The following NELL1 variants were observed in gnomAD, a reference collection of about 807,000 sequenced individuals.
NELL1 encodes protein kinase C-binding protein NELL1.
Under a neutral mutation model 107.4 loss-of-function variants are expected in NELL1, and 76 were observed. The observed-to-expected ratio is 0.71, with a 90% CI of 0.59 to 0.86. The LOEUF (loss-of-function observed/expected upper bound fraction) is 0.86, where lower values mean the gene tolerates loss of function less well. Among genes scored for constraint, NELL1 ranks in the 40% least tolerant of loss-of-function variants. NELL1 has a pLI of 0.00. For missense variants in NELL1, 1,024 were observed against 1,005.5 expected (o/e 1.02, Z -0.25); for synonymous variants, 353 against 341.2 (o/e 1.03, Z -0.38).
At chr11:21,102,442 A>G (rs764018629) in intron 12 of NELL1, among the ~76,000 whole-genome samples, 2 of 152,122 alleles carry the variant, frequency 1.3e-5, no homozygotes, top group Non-Finnish European at 2.9e-5. Context: ...GTCTGCCTGG[A>G]TTTTTGTTTG....
chr11:20,846,075 AT>A (rs1292728512), intron 3 of NELL1, among the ~76,000 whole-genome samples: 5 of 152,210 alleles, frequency 3.3e-5, no homozygotes, highest in Non-Finnish European at 7.3e-5. Flanking sequence ...GTGCAGTCTT[AT>A]AAAGTATGTA....
At chr11:20,973,161 T>G (rs1851535460) in intron 12 of NELL1, among the ~76,000 whole-genome samples, 1 of 142,384 alleles carries the variant, frequency 7.0e-6, no homozygotes, top group African/African-American at 2.7e-5. Flanking sequence ...CAGGCTGGAG[T>G]GCAATGGCAC....
At chr11:20,909,491 C>T (rs1032529635) in intron 5 of NELL1, among the ~76,000 whole-genome samples, 1 of 152,046 alleles carries the variant, frequency 6.6e-6, no homozygotes, top group Non-Finnish European at 1.5e-5. Context: ...ACTCCAGGGC[C>T]GGGAAGAAGA....
chr11:21,116,952 T>TTATTTCAATATATAACCCTATA (rs1855251284), intron 13 of NELL1, among the ~76,000 whole-genome samples: 2 of 152,070 alleles, frequency 1.3e-5, no homozygotes, highest in Non-Finnish European at 2.9e-5. Flanking sequence ...TCCCTGTTTC[T>TTATTTCAATATATAACCCTATA]TATTTCAATA....
Position 20,711,436 on chromosome 11 carries a change from C to T in NELL1, c.184+33376C>T, listed in dbSNP as rs542262342. On this transcript the variant is annotated intron_variant, in intron 2 of 19. Coordinates refer to ENST00000357134, the MANE Select transcript of NELL1 (RefSeq NM_006157.5). ...ATTCATCATGTTGTTGCCTAAGTAC[C>T]TTGTATTTTTTTCTCATTGTGTTAT... Among the ~76,000 whole-genome samples the T allele has an allele frequency of 4.6e-5, 7 of 151,944 alleles. No individual in the cohort carries two copies. In the East Asian group the frequency reaches 7.7e-4, roughly 17 times the overall value.
intron 14 of NELL1, among the ~76,000 whole-genome samples, chr11:21,231,210 T>G (rs551951590): frequency 6.6e-6 from 1 of 152,234 alleles, no homozygotes; most frequent in Admixed American, 6.5e-5. Context: ...ATCAAATATC[T>G]AAGTTAATAT....
chr11:20,954,216 G>T (rs1347839309), intron 11 of NELL1, among the ~76,000 whole-genome samples: 1 of 152,156 alleles, frequency 6.6e-6, no homozygotes, highest in Admixed American at 6.5e-5. Context: ...AAAACACTTA[G>T]CCAAGTGCCT....
chr11:20,930,962 A>C (rs1850605786), intron 9 of NELL1, among the ~76,000 whole-genome samples: 1 of 152,226 alleles, frequency 6.6e-6, no homozygotes, highest in African/African-American at 2.4e-5. Flanking sequence ...AAACTTAAAA[A>C]GAAATGATAC....
At chr11:21,392,681 A>G (rs1048860109) in intron 15 of NELL1, among the ~76,000 whole-genome samples, 1 of 151,790 alleles carries the variant, frequency 6.6e-6, no homozygotes, top group African/African-American at 2.4e-5. Flanking sequence ...CTTATATACA[A>G]TAATAATATA....
intron 12 of NELL1, among the ~76,000 whole-genome samples, chr11:21,080,729 A>G (rs964007377): frequency 6.6e-6 from 1 of 152,122 alleles, no homozygotes; most frequent in African/African-American, 2.4e-5. Flanking sequence ...TGTCAAAGGT[A>G]TGTACATTTT....
At chr11:21,488,438 G>A (rs1167322767) in intron 15 of NELL1, among the ~76,000 whole-genome samples, 1 of 152,036 alleles carries the variant, frequency 6.6e-6, no homozygotes, top group African/African-American at 2.4e-5. Flanking sequence ...TTCAGTCTTT[G>A]TATGATTTCC....
intron 12 of NELL1, among the ~76,000 whole-genome samples, chr11:21,047,747 G>C (rs1165720513): frequency 6.6e-6 from 1 of 152,136 alleles, no homozygotes; most frequent in Non-Finnish European, 1.5e-5. Context: ...CAGAGGGCTA[G>C]TTTAGGTTCA....
At chr11:20,839,924 AT>A (rs1335249056) in intron 3 of NELL1, among the ~76,000 whole-genome samples, 7 of 152,228 alleles carry the variant, frequency 4.6e-5, no homozygotes, top group African/African-American at 1.7e-4. Flanking sequence ...AAGATATCTG[AT>A]TTGTGAAAGA....
intron 3 of NELL1, among the ~76,000 whole-genome samples, chr11:20,826,932 T>C (rs1477434992): frequency 6.6e-6 from 1 of 151,228 alleles, no homozygotes; most frequent in Non-Finnish European, 1.5e-5. Flanking sequence ...GTGTTAATTG[T>C]TTTCGATATG....
At chr11:21,324,469 T>C (rs1850083742) in intron 14 of NELL1, among the ~76,000 whole-genome samples, 1 of 152,132 alleles carries the variant, frequency 6.6e-6, no homozygotes, top group Non-Finnish European at 1.5e-5. Flanking sequence ...TCTTCTAATA[T>C]TTGTTCTACA....
At chr11:21,139,449 C>G (rs1357386439) in intron 13 of NELL1, among the ~76,000 whole-genome samples, 2 of 152,172 alleles carry the variant, frequency 1.3e-5, no homozygotes, top group Non-Finnish European at 2.9e-5. Context: ...AATGTTCAGT[C>G]CCTACTGTCA....
At chr11:20,713,260 G>A (rs1410183312) in intron 2 of NELL1, among the ~76,000 whole-genome samples, 1 of 152,136 alleles carries the variant, frequency 6.6e-6, no homozygotes, top group Non-Finnish European at 1.5e-5. Flanking sequence ...AGCTACCAGG[G>A]TTGGTAGAGA....
chr11:20,742,189 C>A (rs1298671971), intron 2 of NELL1, among the ~76,000 whole-genome samples: 1 of 152,170 alleles, frequency 6.6e-6, no homozygotes, highest in Admixed American at 6.5e-5. Flanking sequence ...AGGCATCAGC[C>A]AGGCTCTTGC....
At chr11:20,732,000 G>A (rs189650787) in intron 2 of NELL1, among the ~76,000 whole-genome samples, 20 of 152,264 alleles carry the variant, frequency 1.3e-4, no homozygotes, top group Admixed American at 1.2e-3. Flanking sequence ...TTCTAGAGAA[G>A]CATTTCACAA....
Sources: allele counts gnomAD v4.1 joint callset (sites outside exome capture counted in the v4.1 genomes callset), GRCh38; gene constraint gnomAD v4.1.1; transcripts MANE v1.5; gene names NCBI Gene and HGNC (gene_info 2026-07-23, HGNC 2026-07-21).